The following GRIA1 variants were observed in gnomAD, a reference collection of about 807,000 sequenced individuals.
The protein encoded by GRIA1 is glutamate ionotropic receptor AMPA type subunit 1.
In GRIA1, 31 loss-of-function variants were observed where a neutral mutation model predicts 99.2. That is an observed-to-expected ratio of 0.31 (90% CI 0.23 to 0.42). The LOEUF (loss-of-function observed/expected upper bound fraction) is 0.42. Among genes scored for constraint, GRIA1 ranks in the 10% least tolerant of loss-of-function variants. GRIA1 has a pLI of 1.00. For synonymous variants in GRIA1, 438 were observed against 432.4 expected (o/e 1.01, Z -0.16); for missense variants, 782 against 1,157.5 (o/e 0.68, Z 4.71).
intron 2 of GRIA1, among the ~76,000 whole-genome samples, chr5:153,583,166 C>A (rs375539527): frequency 6.6e-6 from 1 of 152,198 alleles, no homozygotes; most frequent in Admixed American, 6.5e-5. Flanking sequence ...CTCCTGGGCT[C>A]AAGTGATCCG....
intron 10 of GRIA1, among the ~76,000 whole-genome samples, chr5:153,704,801 C>G (rs1486673493): frequency 3.3e-5 from 5 of 152,172 alleles, no homozygotes; most frequent in Non-Finnish European, 7.3e-5. Context: ...CCTCCCTGGT[C>G]TCTGGCAGAA....
rs917513991 is a variant in GRIA1 at position 153,674,431 on chromosome 5, T to G, written c.700-69T>G. 1.2e-5 allele frequency: 18 copies of G among 1,562,542 alleles called. No individual in the cohort carries two copies. The Middle Eastern group carries it at 6.7e-4, about 58-fold the overall frequency. ...TGGAACTGAATGGAAAATCCTGTGG[T>G]TTTGGAACAGGTTAAGTTGATTTAT... On this transcript the variant is annotated intron_variant, in intron 5 of 15. Coordinates refer to ENST00000285900, the MANE Select transcript of GRIA1 (RefSeq NM_000827.4).
chr5:153,687,800 G>A (rs760215925), intron 8 of GRIA1, among the ~76,000 whole-genome samples: 1 of 152,166 alleles, frequency 6.6e-6, no homozygotes, highest in Non-Finnish European at 1.5e-5. Flanking sequence ...CTACCTCACA[G>A]CCAATCTTAT....
intron 2 of GRIA1, among the ~76,000 whole-genome samples, chr5:153,534,093 T>C (rs1758333080): frequency 6.6e-6 from 1 of 152,244 alleles, no homozygotes; most frequent in Non-Finnish European, 1.5e-5. Flanking sequence ...GTGCTTGCTA[T>C]GCTGCCTCGG....
At chr5:153,579,899 A>C (rs1198130015) in intron 2 of GRIA1, among the ~76,000 whole-genome samples, 1 of 137,464 alleles carries the variant, frequency 7.3e-6, no homozygotes, top group East Asian at 2.0e-4. Flanking sequence ...AAACAAACAA[A>C]AAAAAAAAAA....
chr5:153,512,462 A>G (rs1191085309), intron 2 of GRIA1, among the ~76,000 whole-genome samples: 2 of 152,168 alleles, frequency 1.3e-5, no homozygotes, highest in Non-Finnish European at 2.9e-5. Context: ...AAGGTACTGC[A>G]TTTTCTATGG....
intron 12 of GRIA1, among the ~76,000 whole-genome samples, chr5:153,766,533 C>T (rs993680430): frequency 1.3e-5 from 2 of 152,284 alleles, no homozygotes; most frequent in South Asian, 2.1e-4. Flanking sequence ...TTGTGGCAGC[C>T]ACTTTGCGGA....
At chr5:153,615,986 G>T (rs1359079308) in intron 2 of GRIA1, among the ~76,000 whole-genome samples, 2 of 152,088 alleles carry the variant, frequency 1.3e-5, no homozygotes. Context: ...ACAAGACTTT[G>T]CAGTATCAGA....
intron 11 of GRIA1, among the ~76,000 whole-genome samples, chr5:153,744,732 A>G (rs1464004079): frequency 3.3e-5 from 5 of 152,126 alleles, no homozygotes; most frequent in Admixed American, 3.3e-4. Context: ...GTAGAGTGAG[A>G]GTTTCACATT....
At chr5:153,618,569 A>G (rs1453381782) in intron 2 of GRIA1, among the ~76,000 whole-genome samples, 2 of 152,200 alleles carry the variant, frequency 1.3e-5, no homozygotes, top group Non-Finnish European at 2.9e-5. Context: ...GGCCCAATGG[A>G]GACTTCAGGC....
At chr5:153,590,529 TG>T (rs1763877701) in intron 2 of GRIA1, among the ~76,000 whole-genome samples, 1 of 132,210 alleles carries the variant, frequency 7.6e-6, no homozygotes, top group Non-Finnish European at 1.6e-5. Flanking sequence ...TGTGTGTGTG[TG>T]TGTGTGTGTG....
chr5:153,692,062 C>T (rs947314281), intron 8 of GRIA1, among the ~76,000 whole-genome samples: 2 of 152,192 alleles, frequency 1.3e-5, no homozygotes, highest in Admixed American at 6.5e-5. Context: ...TCCTTGAGCA[C>T]AGCCTCGCAC....
intron 13 of GRIA1, among the ~76,000 whole-genome samples, chr5:153,788,925 CA>C (rs1289608802): frequency 6.6e-6 from 1 of 152,220 alleles, no homozygotes. Context: ...CCTCTTAAGA[CA>C]GCCAATTCCA....
At chr5:153,507,615 C>A (rs189908681) in intron 2 of GRIA1, among the ~76,000 whole-genome samples, 52 of 152,298 alleles carry the variant, frequency 3.4e-4, no homozygotes, top group African/African-American at 1.1e-3. Flanking sequence ...TGACTCGAGT[C>A]TATCCCCATT....
chr5:153,509,618 A>C (rs1755863371), intron 2 of GRIA1, among the ~76,000 whole-genome samples: 1 of 152,214 alleles, frequency 6.6e-6, no homozygotes. Context: ...AGGGCAATAC[A>C]ATGGTTAAGA....
chr5:153,754,645 G>A (rs1281781743), intron 11 of GRIA1, among the ~76,000 whole-genome samples: 2 of 152,138 alleles, frequency 1.3e-5, no homozygotes, highest in Non-Finnish European at 2.9e-5. Flanking sequence ...TGAATACTTG[G>A]TTTGATGCCA....
intron 8 of GRIA1, among the ~76,000 whole-genome samples, chr5:153,689,766 T>C (rs959919063): frequency 2.6e-5 from 4 of 152,160 alleles, no homozygotes; most frequent in African/African-American, 7.2e-5. Flanking sequence ...TACCATCCTC[T>C]CCCTACTCAC....
chr5:153,620,583 G>A (rs974527024), intron 2 of GRIA1, among the ~76,000 whole-genome samples: 3 of 152,164 alleles, frequency 2.0e-5, no homozygotes, highest in Admixed American at 6.5e-5. Flanking sequence ...CAGGGAATTC[G>A]TGTTTACTGG....
chr5:153,554,841 G>T (rs986085008), intron 2 of GRIA1, among the ~76,000 whole-genome samples: 2 of 152,190 alleles, frequency 1.3e-5, no homozygotes, highest in African/African-American at 4.8e-5. Context: ...TTTGATGCAG[G>T]TAGTAGGCCA....
Sources: gnomAD v4.1 joint callset for allele counts (sites outside exome capture counted in the v4.1 genomes callset) on GRCh38, gnomAD v4.1.1 for gene constraint, MANE v1.5 for transcripts, NCBI Gene and HGNC (gene_info 2026-07-23, HGNC 2026-07-21) for gene names.